TARS3: variants seen among roughly 807,000 people sequenced by gnomAD.
The protein encoded by TARS3 is threonine--tRNA ligase 2, cytoplasmic.
In TARS3, 94 loss-of-function variants were observed where a neutral mutation model predicts 103.5. The observed-to-expected ratio is 0.91, with a 90% CI of 0.77 to 1.08. The LOEUF (loss-of-function observed/expected upper bound fraction) is 1.08, where lower values mean the gene tolerates loss of function less well. Ranked by LOEUF, TARS3 falls within the 50% of genes least tolerant of loss-of-function variation. The pLI is 0.00. For synonymous variants in TARS3, 416 were observed against 355.4 expected, an observed-to-expected ratio of 1.17 and a Z score of -1.92; for missense variants, 952 against 995.2, an observed-to-expected ratio of 0.96 and a Z score of 0.58.
intron 5 of TARS3, among the ~76,000 whole-genome samples, chr15:101,710,264 A>T (rs1215456505): frequency 6.6e-6 from 1 of 152,186 alleles, no homozygotes. Flanking sequence ...AGCATCTTTC[A>T]TCAGGCTGTT....
In TARS3 at chr15:101,679,366, C is replaced by T. The variant is rs181860127; in HGVS notation, c.1651-3629G>A. ...TTTTTCAGATTGTGTAATTTCTGTT[C>T]TTGTCATTATGTCTGTCTTCACCAT... On this transcript the variant is annotated intron_variant, in intron 12 of 18. Transcript: ENST00000335968. Among the ~76,000 whole-genome samples, 4 of 152,208 alleles carry T rather than the reference C, an allele frequency of 2.6e-5. No individual in the cohort carries two copies. In the East Asian group the frequency reaches 5.8e-4, roughly 22 times the overall value.
At chr15:101,721,028 A>G in intron 3 of TARS3, 98 bp downstream of exon 3, 1 of 982,362 alleles carries the variant, frequency 1.0e-6, no homozygotes, top group South Asian at 2.0e-5. Flanking sequence ...TAGTATCGTG[A>G]GAATGGAGTA....
chr15:101,678,986 GT>G (rs1033178357), intron 12 of TARS3, among the ~76,000 whole-genome samples: 2 of 151,824 alleles, frequency 1.3e-5, no homozygotes, highest in Admixed American at 1.3e-4. Context: ...CAGGATTTTT[GT>G]TTTTTGTTTT....
At position 101,654,688 on chromosome 15, in the gene TARS3, C is replaced by A; in HGVS notation, c.2303G>T (p.Arg768Leu). The A allele has an allele frequency of 1.2e-6, 2 of 1,614,010 alleles. No homozygotes were observed. Among genetic ancestry groups the A allele is most frequent in the Non-Finnish European group, 1.7e-6 (2 of 1,179,944 alleles). The change falls in exon 19 of 19, where the codon CGA (arginine) becomes CTA (leucine). Residue 768 changes from arginine to leucine, a missense_variant. Around this residue, in one of 2 missense-constraint regions of TARS3, gnomAD observed 540 missense variants for 631.0 expected, o/e 0.86. Transcript: ENST00000335968. ...KEKIDNAVNV[R>L]TRDNKIHGEI... ...TCCATGAATTTTGTTGTCTCTTGTT[C>A]GCACGTTTACAGCATTATCTATCTT...
chr15:101,663,539 A>G (rs1567323459), intron 15 of TARS3, among the ~76,000 whole-genome samples: 1 of 152,262 alleles, frequency 6.6e-6, no homozygotes, highest in African/African-American at 2.4e-5. Context: ...ATGGGGATGC[A>G]TGACTATATT....
At chr15:101,712,698 T>G (rs1038349824) in intron 4 of TARS3, among the ~76,000 whole-genome samples, 1 of 152,202 alleles carries the variant, frequency 6.6e-6, no homozygotes, top group Admixed American at 6.5e-5. Context: ...TCATTTTAGT[T>G]TATGGATAAA....
rs148890301 is a variant in TARS3, at chr15:101,717,001, C to T, written c.567-2038G>A. Among the ~76,000 whole-genome samples, 559 of 152,100 alleles carry T rather than the reference C, an allele frequency of 3.7e-3. 1 individual carries two copies. Among genetic ancestry groups the T allele is most frequent in the African/African-American group, 0.013 (543 of 41,486 alleles). The stretch of plus-strand genomic sequence containing the variant: ...CCTCCCAAGTAGCTGGGATTACAGG[C>T]ACATGCCACCATGTCCGGCTACTTT... On this transcript the variant is annotated intron_variant, in intron 3 of 18. Coordinates refer to ENST00000335968, the MANE Select transcript of TARS3 (RefSeq NM_152334.3).
At chr15:101,721,374 C>A in intron 2 of TARS3, 52 bp from the exon 3 acceptor site, 1 of 1,417,218 alleles carries the variant, frequency 7.1e-7, no homozygotes. Flanking sequence ...TACTGTTTTC[C>A]AGCTGCTCAG....
chr15:101,699,677 G>A (rs1342968413), intron 10 of TARS3, among the ~76,000 whole-genome samples: 2 of 152,074 alleles, frequency 1.3e-5, no homozygotes, highest in South Asian at 2.1e-4. Context: ...CCATTGCCTC[G>A]CATTGGCCAG....
At chr15:101,667,271 C>G (rs564877078) in intron 15 of TARS3, among the ~76,000 whole-genome samples, 98 of 152,236 alleles carry the variant, frequency 6.4e-4, no homozygotes, top group African/African-American at 2.3e-3. Flanking sequence ...CGTAAGGGTT[C>G]TAAGATTTTC....
At chr15:101,657,949 T>G (rs1897247257) in intron 16 of TARS3, 92 bp from the exon 17 acceptor site, 1 of 800,066 alleles carries the variant, frequency 1.2e-6, no homozygotes, top group African/African-American at 1.8e-5. Flanking sequence ...TTTTAAAGAC[T>G]TCACAAGAGG....
intron 8 of TARS3, among the ~76,000 whole-genome samples, chr15:101,703,339 C>T (rs933075705): frequency 3.9e-5 from 6 of 152,180 alleles, no homozygotes; most frequent in African/African-American, 1.4e-4. Context: ...CCTATAATCC[C>T]AGCACTTCGG....
chr15:101,671,770 G>T (rs377277798), intron 13 of TARS3, 22 bp from the exon 14 acceptor site: 2 of 1,600,226 alleles, frequency 1.2e-6, no homozygotes, highest in Admixed American at 1.7e-5. Flanking sequence ...GAAGAAAAAA[G>T]ATACAATTAT....
intron 6 of TARS3, among the ~76,000 whole-genome samples, chr15:101,708,294 A>C (rs1389619146): frequency 6.6e-6 from 1 of 151,348 alleles, no homozygotes; most frequent in African/African-American, 2.4e-5. Flanking sequence ...AACCCAAAAA[A>C]TAAAAAACAA....
rs34201431 is a variant in TARS3, at chr15:101,684,119, G to A, written c.1606C>T (p.Arg536Cys). The A allele has an allele frequency of 2.3e-4, 379 of 1,613,536 alleles. No homozygotes were observed. Among genetic ancestry groups the A allele is most frequent in the Non-Finnish European group, 3.1e-4 (365 of 1,179,792 alleles). ...ATGTGAGCATCGTCCTGCTGGAAGCGCCTCACTCTGGTCAAGCCGCTGAGA... is the reference window on the plus strand; with the variant it reads ...ATGTGAGCATCGTCCTGCTGGAAGCACCTCACTCTGGTCAAGCCGCTGAGA... ...GTLSGLTRVR[R>C]FQQDDAHIFC... The change falls in exon 12 of 19, where the codon CGC (arginine) becomes TGC (cysteine). Residue 536 changes from arginine (R) to cysteine (C), a missense_variant. By Grantham distance (180) the Arg-to-Cys change is radical (BLOSUM62 -3). This residue lies in a region of TARS3 where 540 missense variants were observed against 631.0 expected (regional missense o/e 0.86). Transcript: ENST00000335968.
intron 10 of TARS3, among the ~76,000 whole-genome samples, chr15:101,693,971 C>A (rs538980399): frequency 1.3e-5 from 2 of 151,722 alleles, no homozygotes; most frequent in African/African-American, 4.9e-5. Flanking sequence ...GGTGATAACA[C>A]AGTTCTGCAT....
chr15:101,715,729 C>T (rs778786391), intron 3 of TARS3, among the ~76,000 whole-genome samples: 1 of 152,108 alleles, frequency 6.6e-6, no homozygotes, highest in African/African-American at 2.4e-5. Context: ...ACACTGAGGT[C>T]GCCTAAGTCT....
intron 3 of TARS3, among the ~76,000 whole-genome samples, chr15:101,720,063 T>C (rs1900370552): frequency 6.6e-6 from 1 of 152,240 alleles, no homozygotes; most frequent in Non-Finnish European, 1.5e-5. Flanking sequence ...ACAAACTTAT[T>C]CTTGCCTCAA....
At chr15:101,665,066 A>G (rs1400778790) in intron 15 of TARS3, among the ~76,000 whole-genome samples, 1 of 152,258 alleles carries the variant, frequency 6.6e-6, no homozygotes, top group African/African-American at 2.4e-5. Flanking sequence ...GAGATATACA[A>G]AGAAAGACTG....
Sources: gnomAD v4.1 joint callset for allele counts (sites outside exome capture counted in the v4.1 genomes callset) on GRCh38, gnomAD v4.1.1 for gene constraint, gnomAD v4.1.1 regional missense constraint, MANE v1.5 for transcripts, NCBI Gene and HGNC (gene_info 2026-07-23, HGNC 2026-07-21) for gene names.